Variants in HGS observed in about 807,000 individuals in gnomAD.
HGS encodes human growth factor-regulated tyrosine kinase substrate.
Under a neutral mutation model 109.7 loss-of-function variants are expected in HGS, and 63 were observed. That is an observed-to-expected ratio of 0.57 (90% CI 0.47 to 0.71). The LOEUF is 0.71. Among genes scored for constraint, HGS ranks in the 30% least tolerant of loss-of-function variants. The probability of loss-of-function intolerance (pLI) is 0.00; values close to 1 mark genes in which losing one functional copy is unlikely to be tolerated. For synonymous variants in HGS, 546 were observed against 437.3 expected, an observed-to-expected ratio of 1.25 and a Z score of -3.10; for missense variants, 995 against 1,068.3, an observed-to-expected ratio of 0.93 and a Z score of 0.96.
At position 81,688,694 on chromosome 17, in the gene HGS, C is replaced by T. The variant is rs372376003; in HGVS notation, c.292-10C>T. ...TCCTGCGACCCTCACCCCCTTCTCC[C>T]TGCCTGCAGAGACAAGTGGAGGTAA... On this transcript the variant is annotated splice_polypyrimidine_tract_variant and intron_variant, in intron 4 of 21. Coordinates refer to ENST00000329138, the MANE Select transcript of HGS (RefSeq NM_004712.5). 9 of 1,613,282 alleles carry T rather than the reference C, an allele frequency of 5.6e-6. No individual in the cohort carries two copies. The highest frequency in any genetic ancestry group is 5.3e-5 in the African/African-American group (4 of 74,904).
intron 21 of HGS, 156 bp downstream of exon 21, chr17:81,701,287 G>A (rs764690038): frequency 9.9e-6 from 8 of 807,312 alleles, no homozygotes; most frequent in Non-Finnish European, 1.6e-5. Flanking sequence ...GACAGAACGA[G>A]GACACAAGTC....
At chr17:81,695,258 A>G (rs758049997) in intron 14 of HGS, 35 bp downstream of exon 14, 32 of 1,603,450 alleles carry the variant, frequency 2.0e-5, no homozygotes, top group Non-Finnish European at 2.6e-5. Flanking sequence ...CCAGGGCAAA[A>G]CATGGCCTCC....
At position 81,695,775 on chromosome 17, in the gene HGS, T is replaced by C; in HGVS notation, c.1180-11T>C. The C allele has an allele frequency of 3.7e-6, 6 of 1,612,966 alleles. No individual in the cohort carries two copies. The highest frequency in any genetic ancestry group is 5.1e-6 in the Non-Finnish European group (6 of 1,179,878). On this transcript the variant is annotated splice_polypyrimidine_tract_variant and intron_variant, in intron 14 of 21. Coordinates refer to ENST00000329138, the MANE Select transcript of HGS (RefSeq NM_004712.5). ...TGGCCGCACTCATCCAGAACCCTGC[T>C]CTGCCTGCAGCCACAGTTCCACAAT... is the stretch of plus-strand genomic sequence containing the variant.
rs2037105124 is a variant in HGS, at chr17:81,693,898, C to T, written c.869C>T (p.Pro290Leu). 1 of 1,611,280 alleles carries T rather than the reference C, an allele frequency of 6.2e-7. No individual in the cohort carries two copies. The highest frequency in any genetic ancestry group is 1.1e-5 in the South Asian group (1 of 90,986). Residue 290 changes from proline to leucine, a missense_variant, in exon 11 of 22, where the codon CCC becomes CTC. Pro to Leu is a moderately conservative substitution (Grantham distance 98). This residue lies in a region of HGS where 300 missense variants were observed against 235.4 expected (regional missense o/e 1.27). Transcript: ENST00000329138. ...LRQKSTYTSY[P>L]KAEPMPSASS... ...CAGAAGTCCACGTACACTTCGTACC[C>T]CAAGGCGGAGCCCATGCCCTCGGCC...
intron 1 of HGS, chr17:81,684,369 G>C (rs1316031936): frequency 8.7e-6 from 3 of 344,724 alleles, no homozygotes; most frequent in Admixed American, 4.8e-5. Context: ...GCTCCTCCGC[G>C]GGCCCGGGCA....
chr17:81,695,083 C>A lies in HGS; in HGVS notation c.1119+16C>A, dbSNP rs374904464. 2.5e-3 allele frequency: 3,954 copies of A among 1,612,184 alleles called. 12 individuals are homozygous for A. Among genetic ancestry groups the A allele is most frequent in the Non-Finnish European group, 3.2e-3 (3,819 of 1,178,566 alleles). ...CGTGGTGGAGGTGAGGGGGCCACTC[C>A]CGGCATTCCTAGTGGCAGGGTCCCT... On this transcript the variant is annotated intron_variant, in intron 13 of 21. Coordinates refer to ENST00000329138, the MANE Select transcript of HGS (RefSeq NM_004712.5).
chr17:81,697,074 A>G, intron 18 of HGS, 76 bp downstream of exon 18: 2 of 1,442,558 alleles, frequency 1.4e-6, no homozygotes, highest in Non-Finnish European at 1.9e-6. Flanking sequence ...GAAAAGCAGT[A>G]AGAATGGTGC....
Position 81,695,125 on chromosome 17 carries a change from G to A in HGS, c.1120-39G>A, listed in dbSNP as rs200887075. 209 of 1,613,654 alleles carry A rather than the reference G, an allele frequency of 1.3e-4. No individual in the cohort carries two copies. The African/African-American group carries it at 2.3e-3, about 18-fold the overall frequency. On this transcript the variant is annotated intron_variant, in intron 13 of 21. Transcript: ENST00000329138. ...AGGGTCCCTTGGAAGGGGTGGATGCGGGACAGGTTGGAGGCCCCACTCATT... is the reference window on the plus strand; with the variant it reads ...AGGGTCCCTTGGAAGGGGTGGATGCAGGACAGGTTGGAGGCCCCACTCATT...
At chr17:81,690,298 C>A in intron 6 of HGS, 64 bp downstream of exon 6, 1 of 1,532,388 alleles carries the variant, frequency 6.5e-7, no homozygotes, top group Non-Finnish European at 9.0e-7. Flanking sequence ...AAGGGGAGTG[C>A]TGGGAGCCCG....
At chr17:81,701,421 G>T in intron 21 of HGS, 87 bp from the exon 22 acceptor site, 1 of 1,361,606 alleles carries the variant, frequency 7.3e-7, no homozygotes. Context: ...AAGCACTTGT[G>T]GGTCTGTGGC....
In HGS at chr17:81,695,170, C is replaced by G. The variant is rs752057756; in HGVS notation, c.1126C>G (p.Leu376Val). 5 of 1,614,106 alleles carry G rather than the reference C, an allele frequency of 3.1e-6. No homozygotes were observed. Among genetic ancestry groups the G allele is most frequent in the Non-Finnish European group, 8.5e-7 (1 of 1,180,016 alleles). ...CTCATTCTCTCTCTTCCAGAACCCC[C>G]TCCCGGAGACAGACTCTCAGCCCAT... ...AAPTNVVENP[L>V]PETDSQPIPP... Residue 376 changes from leucine to valine, a missense_variant, in exon 14 of 22, where the codon CTC becomes GTC. Leu to Val is a conservative substitution (Grantham distance 32). This residue lies in a region of HGS where 300 missense variants were observed against 235.4 expected (regional missense o/e 1.27). Coordinates refer to ENST00000329138, the MANE Select transcript of HGS (RefSeq NM_004712.5).
Position 81,685,609 on chromosome 17 carries a change from G to A in HGS, c.42G>A (p.Lys14=), listed in dbSNP as rs780726875. 8 of 1,608,572 alleles carry A rather than the reference G, an allele frequency of 5.0e-6. No homozygotes were observed. The highest frequency in any genetic ancestry group is 5.9e-6 in the Non-Finnish European group (7 of 1,177,398). ...GSGTFERLLD[K]ATSQLLLETD... ...TCATGGCATTTTCTCTCTCAGACAA[G>A]GCGACCAGCCAGCTCCTGTTGGAGA... is the stretch of plus-strand genomic sequence containing the variant. The change falls in exon 2 of 22, where the codon AAG becomes AAA. Residue 14 remains lysine, a synonymous_variant. Coordinates refer to ENST00000329138, the MANE Select transcript of HGS (RefSeq NM_004712.5).
At chr17:81,700,838 TG>T in intron 20 of HGS, 24 bp downstream of exon 20, 1 of 1,603,578 alleles carries the variant, frequency 6.2e-7, no homozygotes. Flanking sequence ...CAGGCCCTGC[TG>T]GGGGCCAGGG....
chr17:81,686,533 G>A (rs903073494), intron 3 of HGS, 146 bp downstream of exon 3: 8 of 637,576 alleles, frequency 1.3e-5, no homozygotes, highest in Non-Finnish European at 2.0e-5. Context: ...TTGAGTGCCT[G>A]TGTGAACAGT....
chr17:81,684,708 T>C (rs1168437152), intron 1 of HGS, among the ~76,000 whole-genome samples: 2 of 152,146 alleles, frequency 1.3e-5, no homozygotes, highest in Admixed American at 1.3e-4. Flanking sequence ...GAAACGAATG[T>C]TGATGTGCAC....
intron 1 of HGS, chr17:81,684,909 G>A (rs2036949869): frequency 6.1e-6 from 6 of 985,362 alleles, no homozygotes; most frequent in South Asian, 9.4e-5. Flanking sequence ...AGTGCTTCAG[G>A]GATGAATCCA....
In HGS at chr17:81,685,617, G is replaced by A; in HGVS notation, c.50G>A (p.Ser17Asn). 1 of 1,610,014 alleles carries A rather than the reference G, an allele frequency of 6.2e-7. No individual in the cohort carries two copies. Among genetic ancestry groups the A allele is most frequent in the Non-Finnish European group, 8.5e-7 (1 of 1,178,226 alleles). Residue 17 changes from serine to asparagine, a missense_variant, in exon 2 of 22, where the codon AGC becomes AAC. Transcript: ENST00000329138. Reference protein sequence around the residue: ...TFERLLDKATSQLLLETDWES... With the variant: ...TFERLLDKATNQLLLETDWES... ...TTTTCTCTCTCAGACAAGGCGACCA[G>A]CCAGCTCCTGTTGGAGACAGATTGG...
At chr17:81,701,341 G>A (rs962212290) in intron 21 of HGS, 167 bp from the exon 22 acceptor site, 4 of 865,356 alleles carry the variant, frequency 4.6e-6, no homozygotes, top group Admixed American at 5.2e-5. Flanking sequence ...AGGAAAAACC[G>A]TGAATTTACT....
Position 81,690,252 on chromosome 17 carries a change from C to T in HGS, c.468+18C>T. 4 of 1,613,286 alleles carry T rather than the reference C, an allele frequency of 2.5e-6. No homozygotes were observed. The highest frequency in any genetic ancestry group is 3.4e-6 in the Non-Finnish European group (4 of 1,179,470). On this transcript the variant is annotated intron_variant, in intron 6 of 21. Coordinates refer to ENST00000329138, the MANE Select transcript of HGS (RefSeq NM_004712.5). Reference sequence around the variant, plus strand: ...CCGAGAGAGTGAGTGTGGGCGGCCGCCAGGGGTTCTGGAGTCGGGCTGCTC... The same window carrying T: ...CCGAGAGAGTGAGTGTGGGCGGCCGTCAGGGGTTCTGGAGTCGGGCTGCTC...
Sources: gnomAD v4.1 joint callset for allele counts (sites outside exome capture counted in the v4.1 genomes callset) on GRCh38, gnomAD v4.1.1 for gene constraint, gnomAD v4.1.1 regional missense constraint, MANE v1.5 for transcripts, NCBI Gene and HGNC (gene_info 2026-07-23, HGNC 2026-07-21) for gene names.